The following GALNTL6 variants were observed in gnomAD, a reference collection of about 807,000 sequenced individuals.
The protein encoded by GALNTL6 is polypeptide N-acetylgalactosaminyltransferase-like 6.
GALNTL6 carries 46 observed loss-of-function variants against 73.7 expected under a neutral mutation model. That is an observed-to-expected ratio of 0.62 (90% CI 0.49 to 0.80). GALNTL6 has a LOEUF of 0.80. Ranked by LOEUF, GALNTL6 falls within the 30% of genes least tolerant of loss-of-function variation. The pLI, the probability that GALNTL6 is intolerant of heterozygous loss-of-function variation, is 0.00. For missense variants in GALNTL6, 604 were observed against 755.0 expected, an observed-to-expected ratio of 0.80 and a Z score of 2.34; for synonymous variants, 259 against 263.7, an observed-to-expected ratio of 0.98 and a Z score of 0.17.
At chr4:172,762,032 A>C (rs1738136297) in intron 5 of GALNTL6, among the ~76,000 whole-genome samples, 2 of 152,232 alleles carry the variant, frequency 1.3e-5, no homozygotes, top group South Asian at 4.1e-4. Context: ...CGCCAGATCA[A>C]AGAATGGGTA....
chr4:172,271,249 G>T (rs570807917), intron 3 of GALNTL6, among the ~76,000 whole-genome samples: 3 of 152,152 alleles, frequency 2.0e-5, no homozygotes, highest in Non-Finnish European at 2.9e-5. Flanking sequence ...ATGCTTAAGG[G>T]ATTAGAAATA....
intron 5 of GALNTL6, among the ~76,000 whole-genome samples, chr4:172,752,019 G>A (rs1737451179): frequency 7.1e-6 from 1 of 140,498 alleles, no homozygotes; most frequent in African/African-American, 2.6e-5. Context: ...AAGTAATTAT[G>A]TTAAGTAATC....
intron 5 of GALNTL6, among the ~76,000 whole-genome samples, chr4:172,709,650 A>C (rs925376786): frequency 6.6e-6 from 1 of 152,116 alleles, no homozygotes; most frequent in Non-Finnish European, 1.5e-5. Context: ...ACCTTCCCAC[A>C]GTGTGGGGAA....
chr4:171,986,638 G>A (rs868360703), intron 2 of GALNTL6, among the ~76,000 whole-genome samples: 1 of 152,242 alleles, frequency 6.6e-6, no homozygotes. Flanking sequence ...TAAGCTGAAG[G>A]AAGATTTTGT....
chr4:172,650,509 A>C (rs966882873), intron 5 of GALNTL6, among the ~76,000 whole-genome samples: 5 of 152,212 alleles, frequency 3.3e-5, no homozygotes, highest in African/African-American at 1.2e-4. Flanking sequence ...ATCAAAGGCC[A>C]TTACATCTAT....
chr4:172,354,987 T>C (rs753693295), intron 5 of GALNTL6, among the ~76,000 whole-genome samples: 1 of 152,100 alleles, frequency 6.6e-6, no homozygotes, highest in Non-Finnish European at 1.5e-5. Flanking sequence ...GCCTCATGCT[T>C]ACTACTACAA....
intron 5 of GALNTL6, among the ~76,000 whole-genome samples, chr4:172,755,402 T>C (rs1364825458): frequency 6.6e-6 from 1 of 152,004 alleles, no homozygotes; most frequent in African/African-American, 2.4e-5. Flanking sequence ...ATGACTGTGG[T>C]TTTTAGAAGA....
intron 4 of GALNTL6, among the ~76,000 whole-genome samples, chr4:172,322,952 G>A (rs1740810425): frequency 6.6e-6 from 1 of 152,060 alleles, no homozygotes; most frequent in African/African-American, 2.4e-5. Flanking sequence ...CAGGAGAAGA[G>A]TTAATAGTAG....
intron 5 of GALNTL6, among the ~76,000 whole-genome samples, chr4:172,566,064 A>C (rs1736544739): frequency 6.6e-6 from 1 of 152,184 alleles, no homozygotes; most frequent in Non-Finnish European, 1.5e-5. Context: ...GATAAAACTG[A>C]ATGGAAAAAT....
intron 2 of GALNTL6, among the ~76,000 whole-genome samples, chr4:172,011,881 A>G (rs1741018683): frequency 6.6e-6 from 1 of 152,150 alleles, no homozygotes; most frequent in Non-Finnish European, 1.5e-5. Flanking sequence ...TTTGCACTTT[A>G]AAGAATAAAT....
chr4:172,777,213 T>C (rs1253760445), intron 5 of GALNTL6, among the ~76,000 whole-genome samples: 1 of 152,196 alleles, frequency 6.6e-6, no homozygotes, highest in Non-Finnish European at 1.5e-5. Flanking sequence ...CTGAGAGTAG[T>C]GTGTATACTC....
At chr4:172,406,865 A>C (rs545652769) in intron 5 of GALNTL6, among the ~76,000 whole-genome samples, 1 of 152,036 alleles carries the variant, frequency 6.6e-6, no homozygotes, top group African/African-American at 2.4e-5. Context: ...CATAGTTTCA[A>C]TAATTCAAGA....
chr4:172,575,057 A>G (rs534209799), intron 5 of GALNTL6, among the ~76,000 whole-genome samples: 21 of 152,176 alleles, frequency 1.4e-4, no homozygotes, highest in Admixed American at 7.2e-4. Flanking sequence ...TGTGTACCCA[A>G]AGGTCACTTA....
chr4:172,575,710 T>C (rs1166181928), intron 5 of GALNTL6, among the ~76,000 whole-genome samples: 1 of 152,182 alleles, frequency 6.6e-6, no homozygotes, highest in African/African-American at 2.4e-5. Context: ...TTATTTAAAT[T>C]TGATAGTTTT....
intron 3 of GALNTL6, among the ~76,000 whole-genome samples, chr4:172,271,587 G>A (rs1738655113): frequency 6.6e-6 from 1 of 151,718 alleles, no homozygotes; most frequent in South Asian, 2.1e-4. Context: ...TGCATTTATA[G>A]GTTTATATAT....
intron 2 of GALNTL6, among the ~76,000 whole-genome samples, chr4:171,850,083 A>G (rs1050362018): frequency 6.6e-6 from 1 of 152,114 alleles, no homozygotes; most frequent in East Asian, 1.9e-4. Context: ...CTCTTGCTTC[A>G]GCTTCCTGAG....
intron 3 of GALNTL6, among the ~76,000 whole-genome samples, chr4:172,266,697 C>A (rs1579315194): frequency 6.6e-6 from 1 of 152,032 alleles, no homozygotes; most frequent in Admixed American, 6.6e-5. Flanking sequence ...ATCCCTTTCC[C>A]TACAGATATT....
intron 2 of GALNTL6, among the ~76,000 whole-genome samples, chr4:172,147,450 C>T (rs1462019073): frequency 6.6e-6 from 1 of 152,174 alleles, no homozygotes; most frequent in African/African-American, 2.4e-5. Context: ...AGTTCATCCT[C>T]GATGTGTGCG....
rs138311521 is a variant in GALNTL6, at chr4:172,858,953, T to C, written c.924-23837T>C. ...CATCTCCATGAAATCAAAGAAATTA[T>C]GGTCTCTTGAAAAAAAATAAACAAC... On this transcript the variant is annotated intron_variant, in intron 7 of 12. Transcript: ENST00000506823. 2.5e-3 allele frequency among the ~76,000 whole-genome samples: 381 copies of C among 150,208 alleles called. 1 individual carries two copies. Among genetic ancestry groups the C allele is most frequent in the Middle Eastern group, 0.011 (3 of 284 alleles).
Sources: gnomAD v4.1 joint callset for allele counts (sites outside exome capture counted in the v4.1 genomes callset) on GRCh38, gnomAD v4.1.1 for gene constraint, MANE v1.5 for transcripts, NCBI Gene and HGNC (gene_info 2026-07-23, HGNC 2026-07-21) for gene names.